Variants in PTPRK observed in about 807,000 individuals in gnomAD.
The protein encoded by PTPRK is receptor-type tyrosine-protein phosphatase kappa.
Under a neutral mutation model 178.0 loss-of-function variants are expected in PTPRK, and 75 were observed. The observed-to-expected ratio is 0.42, with a 90% CI of 0.35 to 0.51. PTPRK has a LOEUF of 0.51. PTPRK is among the 20% of genes least tolerant of loss of function. The pLI is 0.02. For synonymous variants in PTPRK, 637 were observed against 620.6 expected, an observed-to-expected ratio of 1.03 and a Z score of -0.39; for missense variants, 1,441 against 1,797.8, an observed-to-expected ratio of 0.80 and a Z score of 3.59.
intron 8 of PTPRK, among the ~76,000 whole-genome samples, chr6:128,085,494 A>C (rs1284833049): frequency 6.6e-6 from 1 of 152,224 alleles, no homozygotes; most frequent in Non-Finnish European, 1.5e-5. Flanking sequence ...GGAGCAAAAT[A>C]TCCAATTAAT....
intron 3 of PTPRK, among the ~76,000 whole-genome samples, chr6:128,302,430 A>T (rs1825782605): frequency 6.6e-6 from 1 of 151,356 alleles, no homozygotes; most frequent in African/African-American, 2.4e-5. Context: ...CAGGAAAGAA[A>T]CAGAATATCA....
rs879599225 is a variant in PTPRK, at chr6:128,342,563, C to CA, written c.224-20254dup. Among the ~76,000 whole-genome samples the CA allele has an allele frequency of 5.8e-3, 813 of 140,306 alleles. 4 individuals carry two copies. The highest frequency in any genetic ancestry group is 0.016 in the African/African-American group (607 of 38,392). The allele number at this position is 140,306 out of a possible 152,430, so 92.0% of individuals were successfully genotyped here. A position where few individuals can be genotyped will look rare whatever the true frequency, so the allele number is the denominator to read the frequency against. ...GTATTTAAACTAAACACAGTTATGA[C>CA]AAAAAAAAAAAGGCTCATTATGTAG... On this transcript the variant is annotated intron_variant, in intron 2 of 29. Coordinates refer to ENST00000368226, the MANE Select transcript of PTPRK (RefSeq NM_002844.4).
At chr6:128,360,950 CT>C (rs1834662565) in intron 2 of PTPRK, among the ~76,000 whole-genome samples, 1 of 152,034 alleles carries the variant, frequency 6.6e-6, no homozygotes, top group African/African-American at 2.4e-5. Flanking sequence ...TTTTGAAATA[CT>C]GAAAATGGGA....
intron 2 of PTPRK, among the ~76,000 whole-genome samples, chr6:128,379,570 T>G (rs1430340102): frequency 6.6e-6 from 1 of 152,194 alleles, no homozygotes. Context: ...TGTCATGTGG[T>G]GTAAGTGCTA....
At chr6:128,172,847 A>G (rs17055406) in intron 7 of PTPRK, among the ~76,000 whole-genome samples, 5,680 of 151,848 alleles carry the variant, frequency 0.037, 357 homozygotes, top group African/African-American at 0.13. Flanking sequence ...CACACACACG[A>G]ACTATAGGTA....
In PTPRK at chr6:128,126,565, C is replaced by A. The variant is rs370712418; in HGVS notation, c.1163-36573G>T. ...GCAGTGGCATGATCATGGCTCACTGCAGCCTCAACTGCCCGGGTGCAAGCG... is the reference window on the plus strand; with the variant it reads ...GCAGTGGCATGATCATGGCTCACTGAAGCCTCAACTGCCCGGGTGCAAGCG... On this transcript the variant is annotated intron_variant, in intron 7 of 29. Transcript: ENST00000368226. Among the ~76,000 whole-genome samples, 5 of 152,126 alleles carry A rather than the reference C, an allele frequency of 3.3e-5. No individual in the cohort carries two copies. The East Asian group carries it at 5.8e-4, about 18-fold the overall frequency.
At chr6:128,413,313 T>A (rs906967359) in intron 1 of PTPRK, among the ~76,000 whole-genome samples, 2 of 152,150 alleles carry the variant, frequency 1.3e-5, no homozygotes, top group Non-Finnish European at 2.9e-5. Flanking sequence ...CGCTGGTCCC[T>A]TTCATGAATT....
At chr6:128,052,173 A>T (rs1467191850) in intron 13 of PTPRK, among the ~76,000 whole-genome samples, 1 of 152,216 alleles carries the variant, frequency 6.6e-6, no homozygotes, top group South Asian at 2.1e-4. Context: ...TTGCAAATAC[A>T]CTACTCCCTT....
chr6:128,436,337 C>T (rs1176854033), intron 1 of PTPRK, among the ~76,000 whole-genome samples: 1 of 152,068 alleles, frequency 6.6e-6, no homozygotes, highest in Non-Finnish European at 1.5e-5. Flanking sequence ...TATATTTCAC[C>T]TAATGGAGCT....
chr6:128,322,390 A>G (rs1442705876), intron 2 of PTPRK, 80 bp from the exon 3 acceptor site: 1 of 1,319,622 alleles, frequency 7.6e-7, no homozygotes, highest in African/African-American at 1.5e-5. Context: ...ATGCTAATCC[A>G]TTCTGAGCAT....
In PTPRK at chr6:128,519,532, G is replaced by A. The variant is rs1224095774; in HGVS notation, c.100+727C>T. 6.6e-6 allele frequency among the ~76,000 whole-genome samples: 1 copy of A among 152,208 alleles called. No homozygotes were observed. The highest frequency in any genetic ancestry group is 2.4e-5 in the African/African-American group (1 of 41,462). ...CAGCCTGGCGGTGGTTTTGCCCGAGGAGCGGGCTCCCACGCGCGAGTCAGG... is the reference window on the plus strand; with the variant it reads ...CAGCCTGGCGGTGGTTTTGCCCGAGAAGCGGGCTCCCACGCGCGAGTCAGG... On this transcript the variant is annotated intron_variant, in intron 1 of 29. Transcript: ENST00000368226. The surrounding 1 kb of genome is among the most constrained non-coding windows in gnomAD (Gnocchi z 4.3).
At chr6:128,492,123 A>G (rs1853889769) in intron 1 of PTPRK, among the ~76,000 whole-genome samples, 1 of 152,138 alleles carries the variant, frequency 6.6e-6, no homozygotes, top group South Asian at 2.1e-4. Context: ...AAATTGCCAC[A>G]TTCATCTCTA....
At chr6:128,412,987 G>A (rs1017272681) in intron 1 of PTPRK, among the ~76,000 whole-genome samples, 3 of 152,186 alleles carry the variant, frequency 2.0e-5, no homozygotes, top group Non-Finnish European at 4.4e-5. Flanking sequence ...AAACTGTTGG[G>A]AGAACAAGGA....
At chr6:127,977,132 T>G in intron 25 of PTPRK, 78 bp from the exon 26 acceptor site, 1 of 1,429,118 alleles carries the variant, frequency 7.0e-7, no homozygotes, top group Non-Finnish European at 9.8e-7. Context: ...TACAATACAC[T>G]TCAATGTAGG....
chr6:128,040,127 A>G (rs1179828332), intron 13 of PTPRK, among the ~76,000 whole-genome samples: 1 of 152,052 alleles, frequency 6.6e-6, no homozygotes, highest in African/African-American at 2.4e-5. Flanking sequence ...AGGAACTTCA[A>G]TTTTTATCCT....
intron 1 of PTPRK, among the ~76,000 whole-genome samples, chr6:128,498,675 A>G (rs1855093300): frequency 6.6e-6 from 1 of 152,220 alleles, no homozygotes; most frequent in African/African-American, 2.4e-5. Context: ...AATGTAAAAT[A>G]TATATTTTTA....
intron 1 of PTPRK, among the ~76,000 whole-genome samples, chr6:128,494,984 C>G (rs1854445462): frequency 6.6e-6 from 1 of 152,178 alleles, no homozygotes; most frequent in African/African-American, 2.4e-5. Flanking sequence ...CAGTTCTCAA[C>G]TCTCCGGTAT....
At chr6:128,166,253 T>C (rs890156590) in intron 7 of PTPRK, among the ~76,000 whole-genome samples, 8 of 151,688 alleles carry the variant, frequency 5.3e-5, no homozygotes, top group Non-Finnish European at 1.2e-4. Flanking sequence ...AGAAAATTTT[T>C]TTTTCTTATC....
intron 7 of PTPRK, among the ~76,000 whole-genome samples, chr6:128,127,569 C>G (rs2114439021): frequency 1.3e-5 from 2 of 152,276 alleles, no homozygotes; most frequent in South Asian, 4.1e-4. Context: ...CTGCTTATGA[C>G]CTAGGATTTT....
Sources: gnomAD v4.1 joint callset for allele counts (sites outside exome capture counted in the v4.1 genomes callset) on GRCh38, gnomAD v4.1.1 for gene constraint, Gnocchi (gnomAD v3.1) non-coding constraint, MANE v1.5 for transcripts, NCBI Gene and HGNC (gene_info 2026-07-23, HGNC 2026-07-21) for gene names.